LRP1B: variants seen among roughly 807,000 people sequenced by gnomAD.
LRP1B encodes the protein low-density lipoprotein receptor-related protein 1B.
A neutral mutation model predicts 556.6 loss-of-function variants in LRP1B; 217 were observed. That is an observed-to-expected ratio of 0.39 (90% CI 0.35 to 0.44). The LOEUF (loss-of-function observed/expected upper bound fraction) is 0.44. LRP1B is among the 20% of genes least tolerant of loss of function. LRP1B has a pLI of 1.00. For missense variants in LRP1B, 5,053 were observed against 5,620.8 expected (o/e 0.90, Z 3.23); for synonymous variants, 2,047 against 1,865.8 (o/e 1.10, Z -2.50).
intron 43 of LRP1B, among the ~76,000 whole-genome samples, chr2:140,591,017 T>C (rs1295398336): frequency 6.6e-6 from 1 of 152,200 alleles, no homozygotes; most frequent in Admixed American, 6.5e-5. Context: ...TCACTTACTG[T>C]TCTAAAGATT....
chr2:140,711,419 A>G (rs1369374521), intron 37 of LRP1B, among the ~76,000 whole-genome samples: 1 of 151,812 alleles, frequency 6.6e-6, no homozygotes, highest in Non-Finnish European at 1.5e-5. Context: ...CTCTACTCTT[A>G]CCCTGGTCTA....
At chr2:140,614,068 A>G (rs1683174721) in intron 41 of LRP1B, among the ~76,000 whole-genome samples, 1 of 151,980 alleles carries the variant, frequency 6.6e-6, no homozygotes, top group African/African-American at 2.4e-5. Context: ...AGCTGGCCTA[A>G]TTGCCTTTAC....
intron 63 of LRP1B, among the ~76,000 whole-genome samples, chr2:140,448,983 A>G (rs1328704229): frequency 1.3e-5 from 2 of 152,086 alleles, no homozygotes; most frequent in Non-Finnish European, 2.9e-5. Flanking sequence ...GTGCCTCAAA[A>G]AGACACTAAA....
At chr2:140,477,425 C>T (rs1175990733) in intron 59 of LRP1B, among the ~76,000 whole-genome samples, 1 of 151,904 alleles carries the variant, frequency 6.6e-6, no homozygotes, top group Non-Finnish European at 1.5e-5. Flanking sequence ...TTAAAAATAA[C>T]ACATCCAAAC....
chr2:141,215,189 C>T (rs112571673), intron 6 of LRP1B, among the ~76,000 whole-genome samples: 8 of 152,220 alleles, frequency 5.3e-5, no homozygotes, highest in East Asian at 1.9e-4. Context: ...CATTCTCTTG[C>T]TCCAGCTTTA....
chr2:141,364,410 TAAC>T (rs1330732461), intron 3 of LRP1B, among the ~76,000 whole-genome samples: 2 of 105,548 alleles, frequency 1.9e-5, no homozygotes, highest in African/African-American at 5.9e-5. Flanking sequence ...TATTAAATCA[TAAC>T]ACACACACAC....
intron 43 of LRP1B, among the ~76,000 whole-genome samples, chr2:140,578,371 C>T (rs558843428): frequency 2.6e-5 from 4 of 152,176 alleles, no homozygotes; most frequent in African/African-American, 7.2e-5. Flanking sequence ...TTTCCATTAA[C>T]GTAGTACCAT....
chr2:140,678,820 C>G (rs1404307821), intron 41 of LRP1B, among the ~76,000 whole-genome samples: 2 of 150,942 alleles, frequency 1.3e-5, no homozygotes, highest in Non-Finnish European at 2.9e-5. Context: ...CTCTGTCGCC[C>G]GGGCTGGAGT....
intron 21 of LRP1B, among the ~76,000 whole-genome samples, chr2:140,919,409 C>T (rs886359547): frequency 3.3e-5 from 5 of 152,078 alleles, no homozygotes; most frequent in African/African-American, 1.2e-4. Flanking sequence ...TGTGTCCTCC[C>T]ATCTCTTTAG....
At chr2:141,211,715 C>G (rs528936153) in intron 6 of LRP1B, among the ~76,000 whole-genome samples, 30 of 152,236 alleles carry the variant, frequency 2.0e-4, no homozygotes, top group African/African-American at 7.2e-4. Flanking sequence ...ATAAATTCAT[C>G]TAATGTTAAT....
At chr2:140,385,128 A>G (rs1249459557) in intron 67 of LRP1B, among the ~76,000 whole-genome samples, 2 of 152,100 alleles carry the variant, frequency 1.3e-5, no homozygotes, top group African/African-American at 2.4e-5. Context: ...ATGCTTCCGT[A>G]GTCCCAGCTG....
chr2:140,542,396 G>C (rs966741086), intron 43 of LRP1B, among the ~76,000 whole-genome samples: 1 of 151,962 alleles, frequency 6.6e-6, no homozygotes, highest in East Asian at 1.9e-4. Context: ...TAAGATCTAG[G>C]TTCTTTCTTC....
chr2:140,361,354 A>ATATACG (rs1558829063), intron 72 of LRP1B, among the ~76,000 whole-genome samples: 3 of 109,264 alleles, frequency 2.7e-5, no homozygotes, highest in Non-Finnish European at 3.9e-5. Context: ...ATATATATAT[A>ATATACG]TATATATATA....
At chr2:140,866,544 C>T (rs1038498650) in intron 27 of LRP1B, among the ~76,000 whole-genome samples, 1 of 151,994 alleles carries the variant, frequency 6.6e-6, no homozygotes, top group Non-Finnish European at 1.5e-5. Flanking sequence ...TGTATAGAAA[C>T]TCCCATGTAG....
At chr2:140,654,093 A>G (rs1228303770) in intron 41 of LRP1B, among the ~76,000 whole-genome samples, 3 of 151,424 alleles carry the variant, frequency 2.0e-5, no homozygotes, top group Non-Finnish European at 4.4e-5. Context: ...TAATGTGGAC[A>G]GGGAAATACT....
chr2:141,880,155 A>G (rs973704084), intron 1 of LRP1B, among the ~76,000 whole-genome samples: 1 of 152,020 alleles, frequency 6.6e-6, no homozygotes, highest in Non-Finnish European at 1.5e-5. Context: ...AAGAATATCT[A>G]CGATCCATCA....
At chr2:140,269,619 G>A (rs1682368821) in intron 86 of LRP1B, among the ~76,000 whole-genome samples, 1 of 151,954 alleles carries the variant, frequency 6.6e-6, no homozygotes, top group South Asian at 2.1e-4. Flanking sequence ...ACTCACAACA[G>A]TGACCATGTA....
Position 140,434,621 on chromosome 2 carries a change from T to G in LRP1B, c.10414+7883A>C, listed in dbSNP as rs181702466. Among the ~76,000 whole-genome samples the G allele has an allele frequency of 2.0e-5, 3 of 152,280 alleles. No individual in the cohort carries two copies. In the East Asian group the frequency reaches 5.8e-4, roughly 30 times the overall value. On this transcript the variant is annotated intron_variant, in intron 66 of 90. Coordinates refer to ENST00000389484, the MANE Select transcript of LRP1B (RefSeq NM_018557.3). ...CTCCCTACTTTCATTATTTTCCACATGACCACTGAGCACATGACTGGTGGC... is the reference window on the plus strand; with the variant it reads ...CTCCCTACTTTCATTATTTTCCACAGGACCACTGAGCACATGACTGGTGGC...
intron 2 of LRP1B, among the ~76,000 whole-genome samples, chr2:141,483,958 T>C (rs1460596059): frequency 6.6e-6 from 1 of 151,836 alleles, no homozygotes; most frequent in Admixed American, 6.6e-5. Flanking sequence ...GCAGAAGCTC[T>C]TTAGTTTAAT....
Sources: gnomAD v4.1 joint callset for allele counts (sites outside exome capture counted in the v4.1 genomes callset) on GRCh38, gnomAD v4.1.1 for gene constraint, MANE v1.5 for transcripts, NCBI Gene and HGNC (gene_info 2026-07-23, HGNC 2026-07-21) for gene names.